Variants in ENAH observed in about 807,000 individuals in gnomAD.
The protein encoded by ENAH is protein enabled homolog.
In ENAH, 23 loss-of-function variants were observed where a neutral mutation model predicts 78.7. That is an observed-to-expected ratio of 0.29 (90% CI 0.21 to 0.41). The LOEUF (loss-of-function observed/expected upper bound fraction) is 0.41. Ranked by LOEUF, ENAH falls within the 10% of genes least tolerant of loss-of-function variation. The pLI, the probability that ENAH is intolerant of heterozygous loss-of-function variation, is 1.00. For synonymous variants in ENAH, 226 were observed against 241.0 expected (o/e 0.94, Z 0.58); for missense variants, 544 against 691.0 (o/e 0.79, Z 2.39).
intron 1 of ENAH, among the ~76,000 whole-genome samples, chr1:225,590,223 C>T (rs1005345915): frequency 6.6e-6 from 1 of 151,990 alleles, no homozygotes; most frequent in African/African-American, 2.4e-5. Flanking sequence ...GTGGCTCACG[C>T]CTATAATCCC....
chr1:225,582,277 T>TAA (rs2096822857), intron 1 of ENAH, among the ~76,000 whole-genome samples: 2 of 152,306 alleles, frequency 1.3e-5, no homozygotes, highest in Admixed American at 1.3e-4. Context: ...ATGATTCTTG[T>TAA]AAAGCCTATG....
chr1:225,602,214 G>A (rs903057442), intron 1 of ENAH, among the ~76,000 whole-genome samples: 1 of 152,092 alleles, frequency 6.6e-6, no homozygotes, highest in Non-Finnish European at 1.5e-5. Context: ...TAAAGCAACT[G>A]AAATGGCAAT....
At chr1:225,517,683 G>A (rs2096432472) in intron 5 of ENAH, 10 of 1,551,134 alleles carry the variant, frequency 6.4e-6, no homozygotes, top group Non-Finnish European at 8.7e-6. Flanking sequence ...GCTGAGAAGA[G>A]GGTGTGTTCA....
intron 9 of ENAH, 35 bp from the exon 10 acceptor site, chr1:225,511,894 C>T (rs1373518859): frequency 1.4e-6 from 2 of 1,419,938 alleles, no homozygotes; most frequent in Non-Finnish European, 2.0e-6. Flanking sequence ...ATCACATCTA[C>T]CAGTCCCCTG....
chr1:225,618,462 C>A (rs536208816), intron 1 of ENAH, among the ~76,000 whole-genome samples: 8 of 152,242 alleles, frequency 5.3e-5, no homozygotes, highest in African/African-American at 1.7e-4. Flanking sequence ...TTTCTCCTCA[C>A]CTCTCCAAGA....
intron 1 of ENAH, among the ~76,000 whole-genome samples, chr1:225,632,262 G>A (rs1287910453): frequency 6.6e-6 from 1 of 152,158 alleles, no homozygotes; most frequent in Non-Finnish European, 1.5e-5. Flanking sequence ...ACTTTGGGAG[G>A]CCAAAGCGGG....
intron 11 of ENAH, among the ~76,000 whole-genome samples, chr1:225,507,595 G>C (rs1446273606): frequency 6.6e-6 from 1 of 152,114 alleles, no homozygotes; most frequent in Non-Finnish European, 1.5e-5. Context: ...AAGACAAGTG[G>C]GGCAAAATGT....
chr1:225,552,285 C>T (rs934591558), intron 3 of ENAH, among the ~76,000 whole-genome samples: 23 of 151,732 alleles, frequency 1.5e-4, no homozygotes, highest in Non-Finnish European at 1.8e-4. Flanking sequence ...TACAGGCGCC[C>T]GCCACCACGC....
intron 1 of ENAH, among the ~76,000 whole-genome samples, chr1:225,574,290 C>T (rs961844113): frequency 1.3e-5 from 2 of 152,004 alleles, no homozygotes; most frequent in East Asian, 1.9e-4. Context: ...TAAAAGTGGG[C>T]GAGACCAGCT....
At chr1:225,611,258 G>A (rs1478025807) in intron 1 of ENAH, among the ~76,000 whole-genome samples, 2 of 151,960 alleles carry the variant, frequency 1.3e-5, no homozygotes, top group African/African-American at 4.8e-5. Flanking sequence ...GAGCCTGGGA[G>A]TTCTAGACCA....
chr1:225,579,955 T>C (rs1410906662), intron 1 of ENAH, among the ~76,000 whole-genome samples: 1 of 152,194 alleles, frequency 6.6e-6, no homozygotes, highest in Non-Finnish European at 1.5e-5. Context: ...GTTCTTCCTA[T>C]GTAAGACATC....
At chr1:225,539,227 A>G (rs1378008246) in intron 3 of ENAH, among the ~76,000 whole-genome samples, 5 of 151,966 alleles carry the variant, frequency 3.3e-5, no homozygotes, top group South Asian at 2.1e-4. Context: ...AACTCTCTCC[A>G]TTGCTACTGT....
chr1:225,615,439 G>C (rs2097021899), intron 1 of ENAH, among the ~76,000 whole-genome samples: 1 of 152,254 alleles, frequency 6.6e-6, no homozygotes, highest in African/African-American at 2.4e-5. Context: ...AAAGTGCCGA[G>C]ATTGCAGCCT....
intron 1 of ENAH, among the ~76,000 whole-genome samples, chr1:225,602,544 A>G (rs2096936100): frequency 6.6e-6 from 1 of 152,184 alleles, no homozygotes; most frequent in Non-Finnish European, 1.5e-5. Flanking sequence ...CAACTGGACA[A>G]AAGAAGAACC....
intron 1 of ENAH, among the ~76,000 whole-genome samples, chr1:225,606,842 CAAAAAAAAAAA>C (rs59168194): frequency 3.3e-3 from 164 of 49,054 alleles, no homozygotes; most frequent in Non-Finnish European, 4.8e-3. Context: ...GACTCTGTCT[CAAAAAAAAAAA>C]AAAAAAAAAA....
At chr1:225,520,167 C>T (rs1449449976) in intron 4 of ENAH, among the ~76,000 whole-genome samples, 1 of 151,918 alleles carries the variant, frequency 6.6e-6, no homozygotes, top group Non-Finnish European at 1.5e-5. Flanking sequence ...TGGTAGCGTG[C>T]GCCTATAATC....
At chr1:225,544,406 C>T (rs936493056) in intron 3 of ENAH, among the ~76,000 whole-genome samples, 16 of 152,276 alleles carry the variant, frequency 1.1e-4, no homozygotes, top group Non-Finnish European at 2.2e-4. Flanking sequence ...GAACTGAAGT[C>T]ACTAGCTGGA....
chr1:225,493,496 GTA>G lies in ENAH; in HGVS notation c.*4277_*4278del, dbSNP rs554282890. ...AATGGCTTTTAGTGAAAAGGCAGAG[GTA>G]TTAAACATCAGTAATTTCAATATAC... On this transcript the variant is annotated 3_prime_UTR_variant, in exon 14 of 14. Transcript: ENST00000366843. 9 of 152,264 alleles carry G rather than the reference GTA, an allele frequency of 5.9e-5. No homozygotes were observed. In the South Asian group the frequency reaches 1.9e-3, roughly 32 times the overall value. 9.4% of individuals were successfully genotyped at this position (152,264 alleles called of 1,614,324 possible).
chr1:225,524,653 C>G, intron 4 of ENAH: 1 of 985,270 alleles, frequency 1.0e-6, no homozygotes, highest in Non-Finnish European at 1.2e-6. Flanking sequence ...AATAGGAGGG[C>G]TATACACTCT....
Sources: allele counts gnomAD v4.1 joint callset (sites outside exome capture counted in the v4.1 genomes callset), GRCh38; gene constraint gnomAD v4.1.1; transcripts MANE v1.5; gene names NCBI Gene and HGNC (gene_info 2026-07-23, HGNC 2026-07-21).